The following MBD5 variants were observed in gnomAD, a reference collection of about 807,000 sequenced individuals.
MBD5 encodes the protein methyl-CpG-binding domain protein 5.
MBD5 carries 13 observed loss-of-function variants against 117.3 expected under a neutral mutation model. The observed-to-expected ratio is 0.11, with a 90% CI of 0.07 to 0.18. MBD5 has a LOEUF of 0.18. Among genes scored for constraint, MBD5 ranks in the 10% least tolerant of loss-of-function variants. The pLI is 1.00. For synonymous variants in MBD5, 727 were observed against 766.4 expected (o/e 0.95, Z 0.85); for missense variants, 1,879 against 2,093.8 (o/e 0.90, Z 2.00).
intron 1 of MBD5, among the ~76,000 whole-genome samples, chr2:148,110,725 T>C (rs1243983234): frequency 3.3e-5 from 5 of 152,030 alleles, no homozygotes; most frequent in African/African-American, 4.8e-5. Context: ...TCTCATCTTA[T>C]TTGGATGCTG....
At chr2:148,276,735 A>AT (rs1027689593) in intron 3 of MBD5, among the ~76,000 whole-genome samples, 3 of 152,006 alleles carry the variant, frequency 2.0e-5, no homozygotes, top group Non-Finnish European at 4.4e-5. Flanking sequence ...CATGTAAGAG[A>AT]TTTTTTTGAA....
At chr2:148,235,605 T>C (rs779518765) in intron 3 of MBD5, among the ~76,000 whole-genome samples, 1 of 152,216 alleles carries the variant, frequency 6.6e-6, no homozygotes, top group Non-Finnish European at 1.5e-5. Flanking sequence ...ATAAGAATGC[T>C]ACAGGCATAC....
chr2:148,367,941 A>C (rs1703749867), intron 4 of MBD5, among the ~76,000 whole-genome samples: 2 of 152,164 alleles, frequency 1.3e-5, no homozygotes, highest in South Asian at 4.1e-4. Flanking sequence ...GATCTAAACC[A>C]GAAATACCAC....
chr2:148,116,377 T>C (rs1257370958), intron 1 of MBD5, among the ~76,000 whole-genome samples: 1 of 152,196 alleles, frequency 6.6e-6, no homozygotes, highest in African/African-American at 2.4e-5. Flanking sequence ...AACATGACGT[T>C]GAAATGTCCT....
At chr2:148,252,310 A>G (rs1048018613) in intron 3 of MBD5, among the ~76,000 whole-genome samples, 1 of 152,126 alleles carries the variant, frequency 6.6e-6, no homozygotes, top group African/African-American at 2.4e-5. Flanking sequence ...ATACAAAAAA[A>G]ATAGCCAGGC....
chr2:148,110,457 T>C (rs1192810463), intron 1 of MBD5, among the ~76,000 whole-genome samples: 1 of 152,214 alleles, frequency 6.6e-6, no homozygotes, highest in Non-Finnish European at 1.5e-5. Flanking sequence ...AGTATTGTTA[T>C]TAAGACTGAT....
intron 3 of MBD5, among the ~76,000 whole-genome samples, chr2:148,266,978 A>G (rs551841870): frequency 1.0e-3 from 156 of 152,290 alleles, no homozygotes; most frequent in African/African-American, 3.7e-3. Context: ...GTCACACTCT[A>G]CGGAGGCTGT....
intron 1 of MBD5, among the ~76,000 whole-genome samples, chr2:148,168,494 T>G (rs542158047): frequency 9.4e-4 from 143 of 152,296 alleles, no homozygotes; most frequent in South Asian, 2.9e-3. Context: ...AGTGATTTTT[T>G]AAGAAAGTCA....
intron 1 of MBD5, among the ~76,000 whole-genome samples, chr2:148,122,956 A>T (rs1696803216): frequency 1.3e-5 from 2 of 152,202 alleles, no homozygotes; most frequent in Non-Finnish European, 2.9e-5. Context: ...AGGCCAAATG[A>T]CTTAGCCAAA....
chr2:148,504,534 A>C (rs1681971881), intron 12 of MBD5, among the ~76,000 whole-genome samples: 1 of 152,198 alleles, frequency 6.6e-6, no homozygotes, highest in South Asian at 2.1e-4. Flanking sequence ...ATTTAGCAAA[A>C]AAAATCTGTG....
chr2:148,186,548 G>T (rs539158165), intron 2 of MBD5, among the ~76,000 whole-genome samples: 1 of 152,116 alleles, frequency 6.6e-6, no homozygotes, highest in Non-Finnish European at 1.5e-5. Context: ...CCTTAAAAAA[G>T]TAAAGAGAAA....
intron 3 of MBD5, among the ~76,000 whole-genome samples, chr2:148,278,847 G>A (rs899023520): frequency 3.9e-5 from 6 of 152,184 alleles, no homozygotes; most frequent in Non-Finnish European, 7.3e-5. Context: ...CTCAGTCTAA[G>A]GCTGAAGGCC....
At chr2:148,440,730 G>A (rs572066527) in intron 4 of MBD5, among the ~76,000 whole-genome samples, 3 of 152,296 alleles carry the variant, frequency 2.0e-5, no homozygotes, top group African/African-American at 4.8e-5. Flanking sequence ...ATATTAAAAC[G>A]GAGTTTGGCA....
intron 1 of MBD5, among the ~76,000 whole-genome samples, chr2:148,046,740 T>C (rs1377472875): frequency 1.3e-5 from 2 of 152,220 alleles, no homozygotes; most frequent in Non-Finnish European, 2.9e-5. Flanking sequence ...CCTTAGCTAA[T>C]TAATCTGCCT....
chr2:148,418,624 A>G (rs1275608149), intron 4 of MBD5, among the ~76,000 whole-genome samples: 2 of 152,200 alleles, frequency 1.3e-5, no homozygotes, highest in Non-Finnish European at 2.9e-5. Flanking sequence ...CCCTTTTACA[A>G]TAGCTACAAA....
chr2:148,106,925 C>T (rs1696387402), intron 1 of MBD5, among the ~76,000 whole-genome samples: 1 of 151,884 alleles, frequency 6.6e-6, no homozygotes, highest in South Asian at 2.1e-4. Flanking sequence ...CTTAGGTTTA[C>T]TCACATATTT....
chr2:148,390,481 G>C (rs1475964113), intron 4 of MBD5, among the ~76,000 whole-genome samples: 1 of 148,112 alleles, frequency 6.8e-6, no homozygotes. Flanking sequence ...ATATATATAA[G>C]TATATATATG....
At chr2:148,335,838 T>C (rs902322650) in intron 3 of MBD5, among the ~76,000 whole-genome samples, 2 of 152,254 alleles carry the variant, frequency 1.3e-5, no homozygotes, top group African/African-American at 4.8e-5. Context: ...ACATAATACA[T>C]GTATGAAATG....
intron 11 of MBD5, among the ~76,000 whole-genome samples, chr2:148,497,006 C>T (rs1681722221): frequency 6.6e-6 from 1 of 151,906 alleles, no homozygotes; most frequent in Non-Finnish European, 1.5e-5. Flanking sequence ...TGAAATATTG[C>T]ACTTAAGTTA....
Sources: gnomAD v4.1 joint callset for allele counts (sites outside exome capture counted in the v4.1 genomes callset) on GRCh38, gnomAD v4.1.1 for gene constraint, MANE v1.5 for transcripts, NCBI Gene and HGNC (gene_info 2026-07-23, HGNC 2026-07-21) for gene names.